Variants in RADIL observed in about 807,000 individuals in gnomAD.
RADIL encodes Rap associating with DIL domain.
In RADIL, 99 loss-of-function variants were observed where a neutral mutation model predicts 97.6. The observed-to-expected ratio is 1.01, with a 90% CI of 0.86 to 1.20. The LOEUF (loss-of-function observed/expected upper bound fraction) is 1.20. Among genes scored for constraint, RADIL ranks in the 50% most tolerant of loss-of-function variants. The pLI, the probability that RADIL is intolerant of heterozygous loss-of-function variation, is 0.00. For missense variants in RADIL, 1,765 were observed against 1,498.9 expected, an observed-to-expected ratio of 1.18 and a Z score of -2.93; for synonymous variants, 803 against 691.8, an observed-to-expected ratio of 1.16 and a Z score of -2.52.
chr7:4,827,860 T>C (rs1783040795), intron 5 of RADIL, among the ~76,000 whole-genome samples: 2 of 151,838 alleles, frequency 1.3e-5, no homozygotes, highest in African/African-American at 4.8e-5. Context: ...TCATGTTCTG[T>C]GAACCTTGTT....
chr7:4,859,449 A>G (rs901312205), intron 2 of RADIL: 1 of 159,152 alleles, frequency 6.3e-6, no homozygotes, highest in African/African-American at 2.4e-5. Context: ...TGAAATAGTT[A>G]ATGTAACTGT....
chr7:4,800,306 G>A lies in RADIL; in HGVS notation c.2847C>T (p.Asp949=). The part of the protein sequence containing the change: ...SGLRGAAPEG[D]SAALAEESPP... ...GGGACTCCTCCGCAAGGGCTGCAGA[G>A]TCTCCTGGGTGGGGGCCAGGAAAGG... is the stretch of plus-strand genomic sequence containing the variant. Residue 949 remains aspartate (D), a synonymous_variant, in exon 13 of 15, where the codon GAC becomes GAT. Transcript: ENST00000399583. The A allele has an allele frequency of 6.9e-7, 1 of 1,456,442 alleles. No homozygotes were observed. The highest frequency in any genetic ancestry group is 9.1e-7 in the Non-Finnish European group (1 of 1,104,810). The allele number at this position is 1,456,442 out of a possible 1,614,324, so 90.2% of individuals were successfully genotyped here.
At chr7:4,844,036 C>T (rs1359243016) in intron 2 of RADIL, among the ~76,000 whole-genome samples, 2 of 152,024 alleles carry the variant, frequency 1.3e-5, no homozygotes, top group African/African-American at 4.8e-5. Context: ...TACGTAACTT[C>T]CTCTTGCCAT....
At chr7:4,845,475 C>G (rs1783544263) in intron 2 of RADIL, among the ~76,000 whole-genome samples, 1 of 152,136 alleles carries the variant, frequency 6.6e-6, no homozygotes, top group African/African-American at 2.4e-5. Flanking sequence ...AATCCCATCT[C>G]TAATCGATCA....
At chr7:4,808,073 T>C (rs115576253) in intron 9 of RADIL, among the ~76,000 whole-genome samples, 1,231 of 82,634 alleles carry the variant, frequency 0.015, no homozygotes, top group South Asian at 0.036. Flanking sequence ...TCCCTCCCTC[T>C]GTCTCTCTCC....
chr7:4,819,743 G>C lies in RADIL; in HGVS notation c.1616-2392C>G, dbSNP rs1475320679. 6.6e-6 allele frequency among the ~76,000 whole-genome samples: 1 copy of C among 152,178 alleles called. No homozygotes were observed. The highest frequency in any genetic ancestry group is 1.9e-4 in the East Asian group (1 of 5,178). On this transcript the variant is annotated intron_variant, in intron 6 of 14. Transcript: ENST00000399583. This position sits in a 1 kb window ranked among gnomAD's most constrained non-coding sequence, Gnocchi z 5.8. ...CTGCAGAGGGTCGGGAGGCTGACGG[G>C]GCTCTGCCCCTCCGGCCCCTTCTAG...
intron 2 of RADIL, among the ~76,000 whole-genome samples, chr7:4,855,504 C>G (rs1488156745): frequency 6.6e-6 from 1 of 151,800 alleles, no homozygotes; most frequent in Admixed American, 6.6e-5. Context: ...TAAGACCAAG[C>G]TGCTTCCCAA....
intron 2 of RADIL, chr7:4,861,187 G>A (rs767678590): frequency 8.1e-6 from 13 of 1,614,020 alleles, no homozygotes; most frequent in East Asian, 4.5e-5. Context: ...AAATTTCATC[G>A]GTTACCCGGC....
rs910755641 is a variant in RADIL at position 4,836,677 on chromosome 7, C to T, written c.536-72G>A. ...CCAGGACTGGGCGCGGTGGCTCACC[C>T]CTGTAATCCCAGCACTTTGGGAGGC... On this transcript the variant is annotated intron_variant, in intron 2 of 14. Transcript: ENST00000399583. 7 of 1,579,212 alleles carry T rather than the reference C, an allele frequency of 4.4e-6. No homozygotes were observed. The South Asian group carries it at 6.8e-5, about 15-fold the overall frequency.
chr7:4,840,779 C>T lies in RADIL; in HGVS notation c.536-4174G>A, dbSNP rs189738519. Among the ~76,000 whole-genome samples, 268 of 152,246 alleles carry T rather than the reference C, an allele frequency of 1.8e-3. 2 individuals carry two copies. The highest frequency in any genetic ancestry group is 6.1e-3 in the African/African-American group (253 of 41,534). ...GTCAAGAAATCAAGACCATCCTGGCCAACATGGTGAAACCCCGTCTGTACT... is the reference window on the plus strand; with the variant it reads ...GTCAAGAAATCAAGACCATCCTGGCTAACATGGTGAAACCCCGTCTGTACT... On this transcript the variant is annotated intron_variant, in intron 2 of 14. Coordinates refer to ENST00000399583, the MANE Select transcript of RADIL (RefSeq NM_018059.5). This position sits in a 1 kb window ranked among gnomAD's most constrained non-coding sequence, Gnocchi z 5.6.
rs1166905001 is a variant in RADIL at position 4,801,813 on chromosome 7, G to A, written c.2682C>T (p.Pro894=). 6.2e-7 allele frequency: 1 copy of A among 1,608,422 alleles called. No homozygotes were observed. The highest frequency in any genetic ancestry group is 1.3e-5 in the African/African-American group (1 of 74,976). ...GCAAGCAGGACGAGTCCGTGTGCGG[G>A]GGGCCAGCCTGGGAGCCCCCACGGC... ...QPSRGGSQAG[P]PHTDSSCLLT... Residue 894 remains proline, a synonymous_variant, in exon 12 of 15, where the codon CCC becomes CCT. Transcript: ENST00000399583.
chr7:4,821,398 C>T lies in RADIL; in HGVS notation c.1615+996G>A, dbSNP rs774679702. Among the ~76,000 whole-genome samples the T allele has an allele frequency of 8.5e-5, 13 of 152,220 alleles. No homozygotes were observed. The highest frequency in any genetic ancestry group is 1.6e-4 in the Non-Finnish European group (11 of 68,032). On this transcript the variant is annotated intron_variant, in intron 6 of 14. Transcript: ENST00000399583. The surrounding 1 kb of genome is among the most constrained non-coding windows in gnomAD (Gnocchi z 5.2). Reference sequence around the variant, plus strand: ...GCACAGCAGCACAGTCCTGCTGCCCCGTCTGGCTCCATTCCAGGCCCCACA... The same window carrying T: ...GCACAGCAGCACAGTCCTGCTGCCCTGTCTGGCTCCATTCCAGGCCCCACA...
Position 4,872,303 on chromosome 7 carries a change from G to A in RADIL, c.535+5302C>T, listed in dbSNP as rs946253058. Among the ~76,000 whole-genome samples, 6 of 152,220 alleles carry A rather than the reference G, an allele frequency of 3.9e-5. No homozygotes were observed. In the East Asian group the frequency reaches 5.8e-4, roughly 15 times the overall value. On this transcript the variant is annotated intron_variant, in intron 2 of 14. Coordinates refer to ENST00000399583, the MANE Select transcript of RADIL (RefSeq NM_018059.5). This position sits in a 1 kb window ranked among gnomAD's most constrained non-coding sequence, Gnocchi z 5.8. ...ACAGGAGCCAGGGACACTGCTCATC[G>A]CCCTGCAACCACGGACGCCTCCCTC...
chr7:4,842,242 ATCT>A lies in RADIL; in HGVS notation c.536-5640_536-5638del, dbSNP rs944492955. The stretch of plus-strand genomic sequence containing the variant: ...TGGGGATGGGACGGTCGTTGTTGAC[ATCT>A]TCTTCTACTCTCACAGCAGAGGCCG... On this transcript the variant is annotated intron_variant, in intron 2 of 14. Coordinates refer to ENST00000399583, the MANE Select transcript of RADIL (RefSeq NM_018059.5). This position sits in a 1 kb window ranked among gnomAD's most constrained non-coding sequence, Gnocchi z 4.5. 2.2e-4 allele frequency among the ~76,000 whole-genome samples: 33 copies of A among 152,042 alleles called. No individual in the cohort carries two copies. The highest frequency in any genetic ancestry group is 4.6e-4 in the Non-Finnish European group (31 of 68,006).
In RADIL at chr7:4,855,732, T is replaced by C. The variant is rs115867247; in HGVS notation, c.536-19127A>G. Reference sequence around the variant, plus strand: ...TTCATGTTTATTGGCCGTTCCTAGCTCCTCTTCCGTGAAGTGCTTATGCGC... The same window carrying C: ...TTCATGTTTATTGGCCGTTCCTAGCCCCTCTTCCGTGAAGTGCTTATGCGC... On this transcript the variant is annotated intron_variant, in intron 2 of 14. Coordinates refer to ENST00000399583, the MANE Select transcript of RADIL (RefSeq NM_018059.5). 4.8e-3 allele frequency among the ~76,000 whole-genome samples: 722 copies of C among 151,630 alleles called. 5 individuals are homozygous for C. The highest frequency in any genetic ancestry group is 0.017 in the African/African-American group (686 of 41,396).
At position 4,821,324 on chromosome 7, in the gene RADIL, C is replaced by T. The variant is rs1782824668; in HGVS notation, c.1615+1070G>A. 6.6e-6 allele frequency among the ~76,000 whole-genome samples: 1 copy of T among 152,190 alleles called. No individual in the cohort carries two copies. The highest frequency in any genetic ancestry group is 2.4e-5 in the African/African-American group (1 of 41,466). On this transcript the variant is annotated intron_variant, in intron 6 of 14. Transcript: ENST00000399583. This position sits in a 1 kb window ranked among gnomAD's most constrained non-coding sequence, Gnocchi z 5.2. ...CGTTGGGGGCAGAACCAAGGCTTCC[C>T]ATGAGAGGTCTGGCCCCCAGTTCCC...
chr7:4,860,356 A>G (rs765431370), intron 2 of RADIL: 3 of 1,614,036 alleles, frequency 1.9e-6, no homozygotes, highest in Non-Finnish European at 2.5e-6. Flanking sequence ...AATGCATTGC[A>G]GTAATTTTCA....
chr7:4,860,702 T>C (rs772552797), intron 2 of RADIL: 4 of 1,614,204 alleles, frequency 2.5e-6, no homozygotes, highest in South Asian at 2.2e-5. Context: ...CTTGTACTTT[T>C]GAAAGAAGCT....
rs1325077602 is a variant in RADIL, at chr7:4,854,724, T to A, written c.536-18119A>T. 6.6e-6 allele frequency among the ~76,000 whole-genome samples: 1 copy of A among 152,180 alleles called. No homozygotes were observed. Among genetic ancestry groups the A allele is most frequent in the Non-Finnish European group, 1.5e-5 (1 of 68,026 alleles). On this transcript the variant is annotated intron_variant, in intron 2 of 14. Transcript: ENST00000399583. The surrounding 1 kb of genome is among the most constrained non-coding windows in gnomAD (Gnocchi z 5.1). ...AAACAAACAAACAAAAACAAAAAGA[T>A]ACCACTTTGGTATTGGTTGTTTAAT...
Sources: allele counts gnomAD v4.1 joint callset (sites outside exome capture counted in the v4.1 genomes callset), GRCh38; gene constraint gnomAD v4.1.1; non-coding constraint Gnocchi (gnomAD v3.1); transcripts MANE v1.5; gene names NCBI Gene and HGNC (gene_info 2026-07-23, HGNC 2026-07-21).